The following POLR3B variants were observed in gnomAD, a reference collection of about 807,000 sequenced individuals.
POLR3B encodes DNA-directed RNA polymerase III subunit RPC2.
A neutral mutation model predicts 147.4 loss-of-function variants in POLR3B; 96 were observed. That is an observed-to-expected ratio of 0.65 (90% CI 0.55 to 0.77). The LOEUF is 0.77. Ranked by LOEUF, POLR3B falls within the 30% of genes least tolerant of loss-of-function variation. The probability of loss-of-function intolerance (pLI) is 0.00; values close to 1 mark genes in which losing one functional copy is unlikely to be tolerated. For missense variants in POLR3B, 1,036 were observed against 1,413.5 expected, an observed-to-expected ratio of 0.73 and a Z score of 4.28; for synonymous variants, 461 against 485.9, an observed-to-expected ratio of 0.95 and a Z score of 0.67.
chr12:106,445,332 A>G (rs1162129472), intron 19 of POLR3B, among the ~76,000 whole-genome samples: 1 of 152,182 alleles, frequency 6.6e-6, no homozygotes, highest in Non-Finnish European at 1.5e-5. Context: ...TGACAACCAA[A>G]ATCTAAGAAA....
Position 106,357,916 on chromosome 12 carries a change from C to T in POLR3B, c.37C>T (p.Pro13Ser). Reference sequence around the variant, plus strand: ...AGCGGAGGAGTTTGGGAACCTGACTCCGGAGCAGCTGGCGGCGCCGATCCC... The same window carrying T: ...AGCGGAGGAGTTTGGGAACCTGACTTCGGAGCAGCTGGCGGCGCCGATCCC... Reference protein sequence around the residue: ...VLAEEFGNLTPEQLAAPIPTV... With the variant: ...VLAEEFGNLTSEQLAAPIPTV... The change falls in exon 1 of 28, where the codon CCG becomes TCG. Residue 13 changes from proline to serine, a missense_variant. Transcript: ENST00000228347. 6.2e-7 allele frequency: 1 copy of T among 1,613,526 alleles called. No homozygotes were observed. The highest frequency in any genetic ancestry group is 8.5e-7 in the Non-Finnish European group (1 of 1,179,996).
chr12:106,379,945 T>C (rs1593007514), intron 8 of POLR3B, 86 bp from the exon 9 acceptor site: 3 of 779,888 alleles, frequency 3.8e-6, no homozygotes, highest in East Asian at 2.6e-5. Flanking sequence ...TTGACCCTTA[T>C]TGATTAATGA....
chr12:106,480,039 G>T (rs1292285792), intron 23 of POLR3B, among the ~76,000 whole-genome samples: 3 of 150,716 alleles, frequency 2.0e-5, no homozygotes, highest in African/African-American at 7.3e-5. Context: ...TATTTGTAGA[G>T]ACTAGGTATT....
intron 21 of POLR3B, 120 bp downstream of exon 21, chr12:106,457,416 C>T (rs1324892749): frequency 2.7e-6 from 2 of 750,918 alleles, no homozygotes; most frequent in Non-Finnish European, 4.5e-6. Flanking sequence ...AACCACCATC[C>T]AAACTCAACC....
chr12:106,457,524 T>C (rs2037880136), intron 21 of POLR3B, among the ~76,000 whole-genome samples: 2 of 152,350 alleles, frequency 1.3e-5, no homozygotes, highest in East Asian at 3.9e-4. Flanking sequence ...TTTCTAGTTA[T>C]AATTTTGAAT....
At chr12:106,384,982 C>T (rs1186463382) in intron 9 of POLR3B, among the ~76,000 whole-genome samples, 4 of 152,014 alleles carry the variant, frequency 2.6e-5, no homozygotes, top group Admixed American at 6.5e-5. Flanking sequence ...CCCTCCACCA[C>T]GCCCAGCTAA....
At chr12:106,477,539 G>A (rs1256060710) in intron 23 of POLR3B, among the ~76,000 whole-genome samples, 5 of 151,520 alleles carry the variant, frequency 3.3e-5, no homozygotes, top group Admixed American at 1.3e-4. Context: ...AGGACCCTCC[G>A]AGCCAGGTGT....
At chr12:106,457,320 A>G (rs769795647) in intron 21 of POLR3B, 24 bp downstream of exon 21, 4 of 1,584,056 alleles carry the variant, frequency 2.5e-6, no homozygotes, top group Admixed American at 3.3e-5. Flanking sequence ...AAAAGAAAAA[A>G]TTTTAATACT....
At chr12:106,456,493 G>T (rs1592751990) in intron 20 of POLR3B, among the ~76,000 whole-genome samples, 1 of 152,144 alleles carries the variant, frequency 6.6e-6, no homozygotes, top group East Asian at 1.9e-4. Flanking sequence ...GAAATAATTT[G>T]ATTATTTCTT....
intron 27 of POLR3B, 132 bp from the exon 28 acceptor site, chr12:106,509,288 T>C: frequency 1.0e-6 from 1 of 956,840 alleles, no homozygotes; most frequent in Non-Finnish European, 1.7e-6. Context: ...ATAGTGCAAC[T>C]GAACACTTAG....
At chr12:106,410,716 A>C (rs2037213251) in intron 11 of POLR3B, 110 bp from the exon 12 acceptor site, 1 of 923,922 alleles carries the variant, frequency 1.1e-6, no homozygotes, top group African/African-American at 1.6e-5. Flanking sequence ...GAGAATCATA[A>C]CAATTCAGTA....
At chr12:106,393,283 G>A (rs540938999) in intron 10 of POLR3B, 130 bp downstream of exon 10, 3 of 1,339,300 alleles carry the variant, frequency 2.2e-6, no homozygotes, top group Non-Finnish European at 3.2e-6. Context: ...AGATATGGGA[G>A]GAGTGAAGTT....
chr12:106,501,129 G>T (rs1265710568), intron 25 of POLR3B, among the ~76,000 whole-genome samples, 194 bp from the exon 26 acceptor site: 1 of 152,168 alleles, frequency 6.6e-6, no homozygotes, highest in Non-Finnish European at 1.5e-5. Flanking sequence ...TCTTTGTAAA[G>T]CCATTTATCT....
At chr12:106,397,171 A>G (rs2036990578) in intron 10 of POLR3B, among the ~76,000 whole-genome samples, 2 of 152,106 alleles carry the variant, frequency 1.3e-5, no homozygotes, top group Non-Finnish European at 2.9e-5. Flanking sequence ...TAAGAACCAC[A>G]TATGCCTCTT....
intron 25 of POLR3B, among the ~76,000 whole-genome samples, chr12:106,498,575 G>T (rs967333013): frequency 6.7e-6 from 1 of 150,018 alleles, no homozygotes; most frequent in Non-Finnish European, 1.5e-5. Flanking sequence ...TTTGTTTTTT[G>T]GGGTTTGTTT....
chr12:106,492,548 A>T (rs1011426880), intron 23 of POLR3B, among the ~76,000 whole-genome samples: 12 of 152,348 alleles, frequency 7.9e-5, no homozygotes, highest in African/African-American at 2.4e-4. Context: ...AAAAGAAAAA[A>T]TGAGTATGTT....
intron 10 of POLR3B, among the ~76,000 whole-genome samples, chr12:106,395,334 A>C (rs1361108936): frequency 2.6e-5 from 4 of 152,214 alleles, no homozygotes; most frequent in Admixed American, 6.5e-5. Context: ...GGGAGGCCTC[A>C]AGAAGCTTCC....
chr12:106,431,812 C>T (rs1441099249), intron 14 of POLR3B, among the ~76,000 whole-genome samples: 1 of 152,188 alleles, frequency 6.6e-6, no homozygotes, highest in Non-Finnish European at 1.5e-5. Flanking sequence ...CTCTTTTCAT[C>T]TGAAAGAGTT....
chr12:106,442,223 A>G (rs1467402484), intron 18 of POLR3B, among the ~76,000 whole-genome samples: 1 of 151,640 alleles, frequency 6.6e-6, no homozygotes, highest in Admixed American at 6.6e-5. Context: ...ATTAGATACT[A>G]TGTGAGTTTA....
Sources: allele counts gnomAD v4.1 joint callset (sites outside exome capture counted in the v4.1 genomes callset), GRCh38; gene constraint gnomAD v4.1.1; transcripts MANE v1.5; gene names NCBI Gene and HGNC (gene_info 2026-07-23, HGNC 2026-07-21).